VWC2L: variants seen among roughly 807,000 people sequenced by gnomAD.
VWC2L encodes von Willebrand factor C domain-containing protein 2-like.
VWC2L carries 10 observed loss-of-function variants against 21.6 expected under a neutral mutation model. The ratio of observed to expected loss-of-function variants is 0.46; its 90% confidence interval spans 0.29 to 0.78. VWC2L has a LOEUF of 0.78. Among genes scored for constraint, VWC2L ranks in the 30% least tolerant of loss-of-function variants. The probability of loss-of-function intolerance (pLI) is 0.10; values close to 1 mark genes in which losing one functional copy is unlikely to be tolerated. For missense variants in VWC2L, 209 were observed against 277.1 expected, an observed-to-expected ratio of 0.75 and a Z score of 1.74; for synonymous variants, 96 against 94.3, an observed-to-expected ratio of 1.02 and a Z score of -0.10.
At chr2:214,436,364 T>C (rs1702678847) in intron 2 of VWC2L, 1 of 326,948 alleles carries the variant, frequency 3.1e-6, no homozygotes, top group Non-Finnish European at 5.8e-6. Context: ...CAAATATTTC[T>C]CTGGAAAGTA....
chr2:214,470,832 G>T (rs7564844), intron 3 of VWC2L, among the ~76,000 whole-genome samples: 8 of 148,852 alleles, frequency 5.4e-5, no homozygotes, highest in Non-Finnish European at 1.2e-4. Context: ...CAGGAGAATC[G>T]CTTGAACTTG....
At chr2:214,504,356 G>A in intron 3 of VWC2L, among the ~76,000 whole-genome samples, 1 of 152,240 alleles carries the variant, frequency 6.6e-6, no homozygotes, top group African/African-American at 2.4e-5. Context: ...ATGGGCTGCT[G>A]TCCATGTCTA....
intron 3 of VWC2L, among the ~76,000 whole-genome samples, chr2:214,566,231 G>C (rs1398346772): frequency 6.6e-6 from 1 of 152,178 alleles, no homozygotes; most frequent in African/African-American, 2.4e-5. Context: ...CCTCCTGAAT[G>C]TGAGACTAGA....
intron 3 of VWC2L, among the ~76,000 whole-genome samples, chr2:214,552,654 A>C (rs1275160118): frequency 6.6e-6 from 1 of 151,952 alleles, no homozygotes; most frequent in Non-Finnish European, 1.5e-5. Flanking sequence ...CTATTTCTCT[A>C]CTCACGACTT....
At chr2:214,567,591 C>G (rs200217903) in intron 3 of VWC2L, among the ~76,000 whole-genome samples, 94,173 of 133,416 alleles carry the variant, frequency 0.71, 33,263 homozygotes, top group East Asian at 0.82. Context: ...CACACACACA[C>G]ACACAGAGAG....
chr2:214,539,785 A>C (rs1309812139), intron 3 of VWC2L, among the ~76,000 whole-genome samples: 1 of 152,186 alleles, frequency 6.6e-6, no homozygotes, highest in African/African-American at 2.4e-5. Flanking sequence ...ATTACAGCTC[A>C]CAAGCATCAC....
At chr2:214,564,460 C>CA (rs1690030806) in intron 3 of VWC2L, among the ~76,000 whole-genome samples, 1 of 113,708 alleles carries the variant, frequency 8.8e-6, no homozygotes. Context: ...GGTACTGGTA[C>CA]AAAAATTGAT....
intron 3 of VWC2L, among the ~76,000 whole-genome samples, chr2:214,505,057 G>A (rs546462378): frequency 4.6e-5 from 7 of 152,200 alleles, no homozygotes; most frequent in East Asian, 1.9e-4. Context: ...CCATCCCCAC[G>A]GACATGCTCT....
At chr2:214,458,817 A>G (rs995388205) in intron 3 of VWC2L, among the ~76,000 whole-genome samples, 3 of 152,182 alleles carry the variant, frequency 2.0e-5, no homozygotes, top group Admixed American at 1.3e-4. Flanking sequence ...AAATGTGTTG[A>G]GACTTGCTTT....
At chr2:214,471,892 C>G (rs1173474332) in intron 3 of VWC2L, among the ~76,000 whole-genome samples, 2 of 152,162 alleles carry the variant, frequency 1.3e-5, no homozygotes, top group African/African-American at 2.4e-5. Flanking sequence ...GGGCTTAAAC[C>G]AAACAAGGTT....
chr2:214,453,866 G>A (rs551298423), intron 3 of VWC2L, among the ~76,000 whole-genome samples: 21 of 151,800 alleles, frequency 1.4e-4, no homozygotes, highest in African/African-American at 4.3e-4. Context: ...GATTACAGGC[G>A]TGTGCTGCCA....
chr2:214,577,766 T>C lies in VWC2L; in HGVS notation c.*1946T>C, dbSNP rs1038859086. 1 of 152,200 alleles carries C rather than the reference T, an allele frequency of 6.6e-6. No homozygotes were observed. The highest frequency in any genetic ancestry group is 1.5e-5 in the Non-Finnish European group (1 of 68,032). 9.4% of individuals were successfully genotyped at this position (152,200 alleles called of 1,614,324 possible). ...CTCTCCTCCCTGGAAGCATCTGCTG[T>C]CATCAAGAAAGAGTTGTCATTTCCA... On this transcript the variant is annotated 3_prime_UTR_variant, in exon 4 of 4. Coordinates refer to ENST00000312504, the MANE Select transcript of VWC2L (RefSeq NM_001080500.4).
intron 3 of VWC2L, among the ~76,000 whole-genome samples, chr2:214,468,938 T>C (rs1703264070): frequency 6.6e-6 from 1 of 152,222 alleles, no homozygotes; most frequent in Non-Finnish European, 1.5e-5. Flanking sequence ...AGATAGCAAA[T>C]AATTTTTTGA....
intron 3 of VWC2L, among the ~76,000 whole-genome samples, chr2:214,455,455 A>G (rs925799735): frequency 1.6e-4 from 24 of 152,316 alleles, no homozygotes; most frequent in African/African-American, 5.5e-4. Context: ...TACATTTAAT[A>G]TATTGTCAAA....
intron 3 of VWC2L, among the ~76,000 whole-genome samples, chr2:214,513,493 C>T (rs1214438094): frequency 2.0e-5 from 3 of 152,080 alleles, no homozygotes; most frequent in Non-Finnish European, 2.9e-5. Context: ...TCTTCAGGGA[C>T]GAATTCCATG....
intron 3 of VWC2L, among the ~76,000 whole-genome samples, chr2:214,513,064 T>A (rs1191724150): frequency 6.6e-6 from 1 of 152,076 alleles, no homozygotes; most frequent in East Asian, 1.9e-4. Context: ...GAAAGCTGCA[T>A]CTTGGTCATC....
chr2:214,414,121 C>G lies in VWC2L; in HGVS notation c.-73C>G. ...TTAAATATTTATTTTCAGCCTACCC[C>G]TCTTGTATTCCCATGGAAGGAGCTG... is the stretch of plus-strand genomic sequence containing the variant. On this transcript the variant is annotated 5_prime_UTR_variant, in exon 2 of 4. Coordinates refer to ENST00000312504, the MANE Select transcript of VWC2L (RefSeq NM_001080500.4). The G allele has an allele frequency of 6.8e-7, 1 of 1,481,026 alleles. No homozygotes were observed. The highest frequency in any genetic ancestry group is 9.1e-7 in the Non-Finnish European group (1 of 1,099,352). The allele number at this position is 1,481,026 out of a possible 1,614,324, so 91.7% of individuals were successfully genotyped here.
At chr2:214,449,677 T>A (rs1702924637) in intron 3 of VWC2L, among the ~76,000 whole-genome samples, 1 of 152,186 alleles carries the variant, frequency 6.6e-6, no homozygotes, top group Non-Finnish European at 1.5e-5. Context: ...CAAATCAATC[T>A]ATCAGAAATG....
chr2:214,433,493 G>T (rs1702634025), intron 2 of VWC2L, among the ~76,000 whole-genome samples: 1 of 152,026 alleles, frequency 6.6e-6, no homozygotes, highest in African/African-American at 2.4e-5. Flanking sequence ...TTTCTCTAAG[G>T]ATAGCTTTAT....
Sources: gnomAD v4.1 joint callset for allele counts (sites outside exome capture counted in the v4.1 genomes callset) on GRCh38, gnomAD v4.1.1 for gene constraint, MANE v1.5 for transcripts, NCBI Gene and HGNC (gene_info 2026-07-23, HGNC 2026-07-21) for gene names.